Variants in TRIM28 observed in about 807,000 individuals in gnomAD.
TRIM28 encodes the protein transcription intermediary factor 1-beta.
A neutral mutation model predicts 87.4 loss-of-function variants in TRIM28; 8 were observed. The observed-to-expected ratio is 0.09, with a 90% CI of 0.05 to 0.17. The LOEUF is 0.17. TRIM28 is among the 10% of genes least tolerant of loss of function. The pLI, the probability that TRIM28 is intolerant of heterozygous loss-of-function variation, is 1.00. For synonymous variants in TRIM28, 601 were observed against 454.3 expected (o/e 1.32, Z -4.11); for missense variants, 968 against 1,131.8 (o/e 0.86, Z 2.08).
In TRIM28 at chr19:58,549,780, AAGG is replaced by A; in HGVS notation, c.2034_2036del (p.Glu678del). 6.2e-7 allele frequency: 1 copy of A among 1,612,364 alleles called. No individual in the cohort carries two copies. Among genetic ancestry groups the A allele is most frequent in the Non-Finnish European group, 8.5e-7 (1 of 1,178,756 alleles). ...ACTCTGCCATGTGCTCCCTGACCTG[AAGG>A]AGGAGGATGGCAGCCTCAGCCTGGA... On this transcript the variant is annotated inframe_deletion, in exon 14 of 17. Coordinates refer to ENST00000253024, the MANE Select transcript of TRIM28 (RefSeq NM_005762.3). This position sits in a 1 kb window ranked among gnomAD's most constrained non-coding sequence, Gnocchi z 4.4.
At chr19:58,548,206 G>A (rs762166985) in intron 7 of TRIM28, 26 bp downstream of exon 7, 6 of 1,613,444 alleles carry the variant, frequency 3.7e-6, no homozygotes, top group Admixed American at 1.7e-5. Flanking sequence ...CTCCTGGCTG[G>A]TGGGTTCCAG....
Position 58,549,941 on chromosome 19 carries a change from GT to G in TRIM28, c.2107-5del. On this transcript the variant is annotated splice_region_variant and splice_polypyrimidine_tract_variant and intron_variant, in intron 14 of 16. Coordinates refer to ENST00000253024, the MANE Select transcript of TRIM28 (RefSeq NM_005762.3). This position sits in a 1 kb window ranked among gnomAD's most constrained non-coding sequence, Gnocchi z 4.4. ...CCAGAGCTGTGACATCCCTTACAAT[GT>G]TTGTAGAAATGTGAGCGTGTACTGC... 6.2e-7 allele frequency: 1 copy of G among 1,614,006 alleles called. No individual in the cohort carries two copies. The highest frequency in any genetic ancestry group is 8.5e-7 in the Non-Finnish European group (1 of 1,179,976).
chr19:58,544,749 G>A lies in TRIM28; in HGVS notation c.-9G>A, dbSNP rs2053744312. 7 of 1,094,918 alleles carry A rather than the reference G, an allele frequency of 6.4e-6. No homozygotes were observed. The highest frequency in any genetic ancestry group is 1.7e-5 in the African/African-American group (1 of 59,422). 67.8% of individuals were successfully genotyped at this position (1,094,918 alleles called of 1,614,324 possible). On this transcript the variant is annotated 5_prime_UTR_variant, in exon 1 of 17. Transcript: ENST00000253024. ...TCCTCCCCCCCTGGGCGCCCCCGGCGGCGTGTGAATGGCGGCCTCCGCGGC... is the reference window on the plus strand; with the variant it reads ...TCCTCCCCCCCTGGGCGCCCCCGGCAGCGTGTGAATGGCGGCCTCCGCGGC...
At chr19:58,547,353 G>A (rs767417251) in intron 3 of TRIM28, 23 bp from the exon 4 acceptor site, 8 of 1,610,488 alleles carry the variant, frequency 5.0e-6, no homozygotes, top group Non-Finnish European at 5.1e-6. Context: ...GCAAGGTCCA[G>A]CCTTATGATT....
chr19:58,545,650 G>T, intron 2 of TRIM28, 113 bp downstream of exon 2: 9 of 1,518,884 alleles, frequency 5.9e-6, no homozygotes, highest in Non-Finnish European at 8.1e-6. Context: ...CTCTGGGTGG[G>T]CTGCCTAGGT....
Position 58,547,776 on chromosome 19 carries a change from C to G in TRIM28, c.840-16C>G. The G allele has an allele frequency of 1.2e-6, 2 of 1,614,006 alleles. No homozygotes were observed. Among genetic ancestry groups the G allele is most frequent in the East Asian group, 2.2e-5 (1 of 44,890 alleles). On this transcript the variant is annotated splice_polypyrimidine_tract_variant and intron_variant, in intron 5 of 16. Transcript: ENST00000253024. ...GCAGCAAGACCCTACCTAGCCTGAC[C>G]TGCTGTGTCCCCTAGAATCCGCCAG... is the stretch of plus-strand genomic sequence containing the variant.
chr19:58,547,765 C>T, intron 5 of TRIM28, 27 bp from the exon 6 acceptor site: 1 of 1,613,802 alleles, frequency 6.2e-7, no homozygotes. Context: ...CAAGACCCTA[C>T]CTAGCCTGAC....
chr19:58,545,144 T>G, intron 1 of TRIM28, 47 bp downstream of exon 1: 1 of 1,372,996 alleles, frequency 7.3e-7, no homozygotes, highest in Non-Finnish European at 9.5e-7. Context: ...CTCTCTGCCT[T>G]TGATTCCGAC....
Position 58,548,809 on chromosome 19 carries a change from C to T in TRIM28, c.1360+33C>T, listed in dbSNP as rs374463674. 3.1e-6 allele frequency: 5 copies of T among 1,613,928 alleles called. No individual in the cohort carries two copies. In the African/African-American group the frequency reaches 6.7e-5, roughly 22 times the overall value. On this transcript the variant is annotated intron_variant, in intron 10 of 16. Coordinates refer to ENST00000253024, the MANE Select transcript of TRIM28 (RefSeq NM_005762.3). ...GGTCTGCCTAGTGGGTGGGGAAGGG[C>T]CCCAGTGCTGTTTCTACCCCAACCT...
intron 1 of TRIM28, 83 bp downstream of exon 1, chr19:58,545,180 T>G: frequency 7.9e-7 from 1 of 1,271,072 alleles, no homozygotes; most frequent in Non-Finnish European, 1.0e-6. Context: ...GGATGCCACC[T>G]GGGCGAGAGG....
intron 3 of TRIM28, chr19:58,547,100 CT>C: frequency 2.6e-6 from 1 of 391,850 alleles, no homozygotes; most frequent in South Asian, 3.4e-5. Flanking sequence ...GGGTGGTCCT[CT>C]TTTTCTAGAC....
chr19:58,550,599 C>T lies in TRIM28; in HGVS notation c.*46C>T, dbSNP rs1462083732. ...GCCCAGCCTGGCTCTGTTCTCTGTC[C>T]TGTCACCCCATCCCCACTCCCCTGG... On this transcript the variant is annotated 3_prime_UTR_variant, in exon 17 of 17. Coordinates refer to ENST00000253024, the MANE Select transcript of TRIM28 (RefSeq NM_005762.3). 1 of 1,568,116 alleles carries T rather than the reference C, an allele frequency of 6.4e-7. No homozygotes were observed. The highest frequency in any genetic ancestry group is 8.6e-7 in the Non-Finnish European group (1 of 1,158,364).
Position 58,544,874 on chromosome 19 carries a change from A to AGCCTCG in TRIM28, c.123_128dup (p.Ser45_Ala46dup). ...AGCGCTCCACCGCCCCTTCGGCCGCAGCCTCGGCCTCTGCCTCAGCCGCGG... is the reference window on the plus strand; with the variant it reads ...AGCGCTCCACCGCCCCTTCGGCCGCAGCCTCGGCCTCGGCCTCTGCCTCAGCCGCGG... On this transcript the variant is annotated inframe_insertion, in exon 1 of 17. Transcript: ENST00000253024. The AGCCTCG allele has an allele frequency of 1.5e-6, 2 of 1,313,842 alleles. No homozygotes were observed. The highest frequency in any genetic ancestry group is 1.9e-6 in the Non-Finnish European group (2 of 1,035,234). The allele number at this position is 1,313,842 out of a possible 1,614,324, so 81.4% of individuals were successfully genotyped here. A position where few individuals can be genotyped will look rare whatever the true frequency, so the allele number is the denominator to read the frequency against.
chr19:58,548,352 G>C lies in TRIM28; in HGVS notation c.1160G>C (p.Gly387Ala). Reference protein sequence around the residue: ...KMIVDPVEPHGEMKFQWDLNA... With the variant: ...KMIVDPVEPHAEMKFQWDLNA... ...ATTGTGGATCCCGTGGAGCCACATGGCGAGATGAAGTTTCAGTGGGACCTC... is the reference window on the plus strand; with the variant it reads ...ATTGTGGATCCCGTGGAGCCACATGCCGAGATGAAGTTTCAGTGGGACCTC... The change falls in exon 8 of 17, where the codon GGC (glycine) becomes GCC (alanine). Residue 387 changes from glycine to alanine, a missense_variant. Physicochemically the swap from Gly to Ala is moderately conservative, Grantham distance 60. Transcript: ENST00000253024. 6.2e-7 allele frequency: 1 copy of C among 1,614,176 alleles called. No homozygotes were observed. The highest frequency in any genetic ancestry group is 1.3e-5 in the African/African-American group (1 of 75,052).
intron 1 of TRIM28, 62 bp downstream of exon 1, chr19:58,545,159 T>C: frequency 7.4e-7 from 1 of 1,351,024 alleles, no homozygotes; most frequent in Non-Finnish European, 9.7e-7. Flanking sequence ...TCCGACTGGG[T>C]GCAGAGATGA....
At position 58,545,024 on chromosome 19, in the gene TRIM28, T is replaced by G. The variant is rs1403146242; in HGVS notation, c.267T>G (p.Ser89Arg). Reference sequence around the variant, plus strand: ...TGCCCTGTTTGCACTCGGCCTGTAGTGCCTGCTTAGGGCCCGCGGCCCCCG... The same window carrying G: ...TGCCCTGTTTGCACTCGGCCTGTAGGGCCTGCTTAGGGCCCGCGGCCCCCG... ...RLLPCLHSAC[S>R]ACLGPAAPAA... is the part of the protein sequence containing the mutation. Residue 89 changes from serine (S) to arginine (R), a missense_variant, in exon 1 of 17, where the codon AGT becomes AGG. Ser to Arg is a moderately radical substitution (Grantham distance 110). This residue lies in a region of TRIM28 where 208 missense variants were observed against 170.9 expected (regional missense o/e 1.22). Transcript: ENST00000253024. 4 of 1,487,504 alleles carry G rather than the reference T, an allele frequency of 2.7e-6. No homozygotes were observed. In the Admixed American group the frequency reaches 8.0e-5, roughly 30 times the overall value. 92.1% of individuals were successfully genotyped at this position (1,487,504 alleles called of 1,614,324 possible).
Position 58,548,404 on chromosome 19 carries a change from C to T in TRIM28, c.1212C>T (p.Ala404=), listed in dbSNP as rs2053780408. Residue 404 remains alanine (A), a synonymous_variant, in exon 8 of 17, where the codon GCC becomes GCT. Coordinates refer to ENST00000253024, the MANE Select transcript of TRIM28 (RefSeq NM_005762.3). ...DLNAWTKSAE[A]FGKIVAERPG... ...ATGCCTGGACCAAGAGTGCCGAGGC[C>T]TTTGGTGGGTCCCCAGCTTTACCTC... The T allele has an allele frequency of 1.9e-6, 3 of 1,614,084 alleles. No homozygotes were observed. Among genetic ancestry groups the T allele is most frequent in the Middle Eastern group, 1.6e-4 (1 of 6,062 alleles).
intron 1 of TRIM28, 22 bp from the exon 2 acceptor site, chr19:58,545,403 C>T (rs763907780): frequency 6.9e-6 from 11 of 1,583,702 alleles, no homozygotes; most frequent in South Asian, 1.1e-5. Flanking sequence ...GTAACAGTCT[C>T]CCACATCCCT....
chr19:58,545,192 T>TG, intron 1 of TRIM28, 95 bp downstream of exon 1: 1 of 1,190,868 alleles, frequency 8.4e-7, no homozygotes, highest in Non-Finnish European at 1.1e-6. Context: ...GGCGAGAGGA[T>TG]GGGGGCCCGG....
Sources: allele counts gnomAD v4.1 joint callset, GRCh38; gene constraint gnomAD v4.1.1; regional missense constraint gnomAD v4.1.1; non-coding constraint Gnocchi (gnomAD v3.1); transcripts MANE v1.5; gene names NCBI Gene and HGNC (gene_info 2026-07-23, HGNC 2026-07-21).